The following IHO1 variants were observed in gnomAD, a reference collection of about 807,000 sequenced individuals.
IHO1 encodes the protein interactor of HORMAD1 1.
A neutral mutation model predicts 31.0 loss-of-function variants in IHO1; 13 were observed. That is an observed-to-expected ratio of 0.42 (90% CI 0.27 to 0.67). IHO1 has a LOEUF of 0.67. Ranked by LOEUF, IHO1 falls within the 30% of genes least tolerant of loss-of-function variation. The pLI is 0.24. For missense variants in IHO1, 599 were observed against 687.5 expected, an observed-to-expected ratio of 0.87 and a Z score of 1.44; for synonymous variants, 221 against 248.4, an observed-to-expected ratio of 0.89 and a Z score of 1.04.
chr3:49,215,422 G>A (rs768560627), intron 2 of IHO1, among the ~76,000 whole-genome samples: 1 of 152,128 alleles, frequency 6.6e-6, no homozygotes, highest in Non-Finnish European at 1.5e-5. Context: ...ACCAAGCCTA[G>A]CTAATTATTC....
chr3:49,196,694 C>A (rs978919771), upstream of IHO1, among the ~76,000 whole-genome samples: 4 of 142,110 alleles, frequency 2.8e-5, no homozygotes, highest in African/African-American at 1.0e-4. Flanking sequence ...TTTTTGAGAC[C>A]GAGTCTCGCT....
intron 6 of IHO1, chr3:49,252,393 G>T (rs1440239493): frequency 1.3e-5 from 2 of 152,918 alleles, no homozygotes; most frequent in Admixed American, 6.6e-5. Context: ...AACATAAAAT[G>T]TACCATTTCT....
chr3:49,197,289 C>T (rs1343421018), upstream of IHO1, among the ~76,000 whole-genome samples: 2 of 151,146 alleles, frequency 1.3e-5, no homozygotes, highest in Non-Finnish European at 2.9e-5. Flanking sequence ...CATGCCCAGG[C>T]CATTTTTACT....
At position 49,256,192 on chromosome 3, in the gene IHO1, C is replaced by T; in HGVS notation, c.695C>T (p.Ala232Val). The change falls in exon 8 of 8, where the codon GCT becomes GTT. Residue 232 changes from alanine to valine, a missense_variant. By Grantham distance (64) the Ala-to-Val change is moderately conservative. Coordinates refer to ENST00000452691, the MANE Select transcript of IHO1 (RefSeq NM_001135197.2). This position sits in a 1 kb window ranked among gnomAD's most constrained non-coding sequence, Gnocchi z 4.6. Reference sequence around the variant, plus strand: ...CTGAAGCACCTTGAAGTTTTAGTTGCTCAGCAGAGTCAGGAATTCCAGCAG... The same window carrying T: ...CTGAAGCACCTTGAAGTTTTAGTTGTTCAGCAGAGTCAGGAATTCCAGCAG... ...SNLKHLEVLV[A>V]QQSQEFQQLC... 6.2e-7 allele frequency: 1 copy of T among 1,614,012 alleles called. No individual in the cohort carries two copies. Among genetic ancestry groups the T allele is most frequent in the Non-Finnish European group, 8.5e-7 (1 of 1,179,956 alleles).
At chr3:49,222,839 G>T (rs1365523927) in intron 2 of IHO1, among the ~76,000 whole-genome samples, 1 of 152,138 alleles carries the variant, frequency 6.6e-6, no homozygotes, top group Non-Finnish European at 1.5e-5. Flanking sequence ...CGGTCCTGCA[G>T]GTTCCGCAGG....
intron 2 of IHO1, among the ~76,000 whole-genome samples, chr3:49,226,492 T>C (rs1225553980): frequency 2.6e-5 from 4 of 152,184 alleles, no homozygotes; most frequent in Non-Finnish European, 4.4e-5. Flanking sequence ...ATGGGCTTTT[T>C]CCTAATTCTC....
intron 3 of IHO1, among the ~76,000 whole-genome samples, chr3:49,238,078 C>T (rs1038340135): frequency 1.7e-4 from 25 of 151,202 alleles, no homozygotes; most frequent in East Asian, 7.8e-4. Flanking sequence ...CTGATTTTTG[C>T]GTTTTTAGTA....
Position 49,236,614 on chromosome 3 carries a change from C to G in IHO1, c.123C>G (p.Phe41Leu). The change falls in exon 3 of 8, where the codon TTC (phenylalanine) becomes TTG (leucine). Residue 41 changes from phenylalanine to leucine, a missense_variant. Phe to Leu is a conservative substitution (Grantham distance 22). Coordinates refer to ENST00000452691, the MANE Select transcript of IHO1 (RefSeq NM_001135197.2). ...NDYSSLSDSQ[F>L]LFGSQFCPEN... is the part of the protein sequence containing the mutation. ...ATTCCAGTCTCAGTGATTCCCAGTT[C>G]CTCTTTGGATCTCAGTTCTGTCCAG... The G allele has an allele frequency of 6.2e-7, 1 of 1,613,486 alleles. No individual in the cohort carries two copies.
At chr3:49,252,636 G>T (rs1459654459) in intron 6 of IHO1, among the ~76,000 whole-genome samples, 1 of 152,056 alleles carries the variant, frequency 6.6e-6, no homozygotes, top group East Asian at 1.9e-4. Context: ...TGCCCAGGCT[G>T]GTCTAGAACT....
chr3:49,227,856 A>T (rs2046434715), intron 2 of IHO1, among the ~76,000 whole-genome samples: 2 of 152,138 alleles, frequency 1.3e-5, no homozygotes, highest in Non-Finnish European at 1.5e-5. Flanking sequence ...TAGCTTCAGG[A>T]ATAGCTTTTG....
At chr3:49,242,776 G>A (rs2046646533) in intron 4 of IHO1, among the ~76,000 whole-genome samples, 1 of 152,040 alleles carries the variant, frequency 6.6e-6, no homozygotes, top group South Asian at 2.1e-4. Flanking sequence ...TTGCACTACA[G>A]CCTGGGAGAC....
In IHO1 at chr3:49,241,274, G is replaced by A. The variant is rs768111239; in HGVS notation, c.280G>A (p.Gly94Arg). The change falls in exon 4 of 8, where the codon GGA becomes AGA. Residue 94 changes from glycine to arginine, a missense_variant. Physicochemically the swap from Gly to Arg is moderately radical, Grantham distance 125. Transcript: ENST00000452691. ...GTACCAGACAAAGCCCCAGCTGTTC[G>A]GAGGAGATATAAAAGATGGAGGTTT... ...TKYQTKPQLF[G>R]GDIKDGGLFP... 14 of 1,613,530 alleles carry A rather than the reference G, an allele frequency of 8.7e-6. No individual in the cohort carries two copies. Among genetic ancestry groups the A allele is most frequent in the Middle Eastern group, 1.6e-4 (1 of 6,082 alleles).
chr3:49,200,462 CTCAA>C (rs1369462454), intron 1 of IHO1: 1 of 213,726 alleles, frequency 4.7e-6, no homozygotes, highest in Non-Finnish European at 5.1e-6. Flanking sequence ...GAGACTCGGT[CTCAA>C]AAAAAAAAAA....
intron 3 of IHO1, among the ~76,000 whole-genome samples, chr3:49,240,422 C>A (rs985092079): frequency 1.3e-5 from 2 of 152,160 alleles, no homozygotes; most frequent in Non-Finnish European, 2.9e-5. Context: ...CAGGGTTTCG[C>A]CAAGTTGAGC....
chr3:49,244,767 G>C, intron 6 of IHO1, 34 bp downstream of exon 6: 1 of 1,547,900 alleles, frequency 6.5e-7, no homozygotes, highest in Non-Finnish European at 8.9e-7. Flanking sequence ...TCAGCAGAGG[G>C]CACTGGTGAA....
In IHO1 at chr3:49,245,363, T is replaced by A. The variant is rs192414424; in HGVS notation, c.532+630T>A. On this transcript the variant is annotated intron_variant, in intron 6 of 7. Coordinates refer to ENST00000452691, the MANE Select transcript of IHO1 (RefSeq NM_001135197.2). ...CACCACGGCTGGCTAATTTTTAAAA[T>A]TTTTAGTAGAGACGGGGTTTCACTG... 311 of 152,946 alleles carry A rather than the reference T, an allele frequency of 2.0e-3. 3 individuals are homozygous for A. The East Asian group carries it at 0.021, about 11-fold the overall frequency. The allele number at this position is 152,946 out of a possible 1,614,324, so 9.5% of individuals were successfully genotyped here.
At chr3:49,209,305 C>T (rs2046178831) in intron 1 of IHO1, among the ~76,000 whole-genome samples, 1 of 152,150 alleles carries the variant, frequency 6.6e-6, no homozygotes, top group South Asian at 2.1e-4. Flanking sequence ...TGCTGGCACA[C>T]TGTCAGATAC....
intron 2 of IHO1, among the ~76,000 whole-genome samples, chr3:49,215,782 G>C (rs2046280091): frequency 6.6e-6 from 1 of 152,208 alleles, no homozygotes; most frequent in South Asian, 2.1e-4. Flanking sequence ...CTAGTGCAGT[G>C]ATCTGGTGAG....
chr3:49,243,033 T>A (rs552365658), intron 4 of IHO1, among the ~76,000 whole-genome samples: 2 of 152,106 alleles, frequency 1.3e-5, no homozygotes, highest in Non-Finnish European at 2.9e-5. Context: ...TATTTTTTTT[T>A]CTGATCCTTT....
Sources: gnomAD v4.1 joint callset for allele counts (sites outside exome capture counted in the v4.1 genomes callset) on GRCh38, gnomAD v4.1.1 for gene constraint, Gnocchi (gnomAD v3.1) non-coding constraint, MANE v1.5 for transcripts, NCBI Gene and HGNC (gene_info 2026-07-23, HGNC 2026-07-21) for gene names.